Variants in EIF4H observed in about 807,000 individuals in gnomAD.
EIF4H encodes eukaryotic translation initiation factor 4H, also known as Williams-Beuren syndrome chromosome region 1.
In EIF4H, 8 loss-of-function variants were observed where a neutral mutation model predicts 30.6. The ratio of observed to expected loss-of-function variants is 0.26; its 90% CI spans 0.15 to 0.47. EIF4H has a LOEUF of 0.47. Among genes scored for constraint, EIF4H ranks in the 20% least tolerant of loss-of-function variants. The pLI, the probability that EIF4H is intolerant of heterozygous loss-of-function variation, is 0.99. For synonymous variants in EIF4H, 106 were observed against 122.7 expected, an observed-to-expected ratio of 0.86 and a Z score of 0.90; for missense variants, 188 against 339.5, an observed-to-expected ratio of 0.55 and a Z score of 3.51.
At chr7:74,192,948 G>C (rs1245117487) in intron 5 of EIF4H, among the ~76,000 whole-genome samples, 1 of 152,162 alleles carries the variant, frequency 6.6e-6, no homozygotes, top group Non-Finnish European at 1.5e-5. Flanking sequence ...AGAGTGCTGG[G>C]ATTACAGGCG....
intron 1 of EIF4H, among the ~76,000 whole-genome samples, chr7:74,180,136 G>T (rs1394498109): frequency 6.6e-6 from 1 of 152,150 alleles, no homozygotes; most frequent in Admixed American, 6.6e-5. Context: ...GATTGAGGCT[G>T]CAGTGAGCAG....
intron 1 of EIF4H, among the ~76,000 whole-genome samples, chr7:74,177,950 T>A (rs1351284633): frequency 6.6e-6 from 1 of 152,172 alleles, no homozygotes; most frequent in Non-Finnish European, 1.5e-5. Context: ...GAAACATGTA[T>A]TTATTTATGA....
At chr7:74,176,539 C>T (rs1054007726) in intron 1 of EIF4H, among the ~76,000 whole-genome samples, 24 of 152,238 alleles carry the variant, frequency 1.6e-4, no homozygotes, top group Non-Finnish European at 4.4e-5. Flanking sequence ...TCTCCCTTGT[C>T]TAAAATGCCT....
At chr7:74,178,741 T>A (rs1411212255) in intron 1 of EIF4H, among the ~76,000 whole-genome samples, 1 of 152,172 alleles carries the variant, frequency 6.6e-6, no homozygotes, top group Non-Finnish European at 1.5e-5. Flanking sequence ...TGATTAGACC[T>A]GCACACCCGG....
intron 1 of EIF4H, among the ~76,000 whole-genome samples, chr7:74,178,684 G>A (rs1189667630): frequency 2.6e-5 from 4 of 152,148 alleles, no homozygotes; most frequent in Non-Finnish European, 2.9e-5. Context: ...AGCTTCCCCT[G>A]GAAGGTTCAG....
chr7:74,187,364 G>A (rs1554709324), intron 1 of EIF4H, among the ~76,000 whole-genome samples: 2 of 152,218 alleles, frequency 1.3e-5, no homozygotes. Flanking sequence ...CCGGGAAGCA[G>A]AGGTTCCAGT....
chr7:74,192,681 C>CT (rs1801249798), intron 5 of EIF4H, among the ~76,000 whole-genome samples: 1 of 61,524 alleles, frequency 1.6e-5, no homozygotes, highest in South Asian at 5.8e-4. Context: ...TTTTTTTTTT[C>CT]TTTTTTTTTT....
At chr7:74,193,639 G>A (rs369549310) in intron 5 of EIF4H, among the ~76,000 whole-genome samples, 87 of 150,558 alleles carry the variant, frequency 5.8e-4, no homozygotes, top group African/African-American at 2.1e-3. Flanking sequence ...TTGAGACAGA[G>A]TCTCACTTCA....
intron 1 of EIF4H, among the ~76,000 whole-genome samples, chr7:74,177,892 G>A (rs1800876205): frequency 6.6e-6 from 1 of 152,218 alleles, no homozygotes; most frequent in Admixed American, 6.5e-5. Context: ...GTGATCTGAA[G>A]TAAGTTTCTT....
At position 74,187,653 on chromosome 7, in the gene EIF4H, G is replaced by A; in HGVS notation, c.102G>A (p.Lys34=). 1 of 1,610,974 alleles carries A rather than the reference G, an allele frequency of 6.2e-7. No homozygotes were observed. The highest frequency in any genetic ancestry group is 1.1e-5 in the South Asian group (1 of 90,734). ...SAGGHGSRSQ[K]ELPTEPPYTA... is the part of the protein sequence containing the mutation. ...GTGGCCATGGTTCCCGTAGCCAGAA[G>A]GAGTTGCCCACAGAGCCCCCCTACA... is the stretch of plus-strand genomic sequence containing the variant. Residue 34 remains lysine, a synonymous_variant, in exon 2 of 7, where the codon AAG becomes AAA. Coordinates refer to ENST00000265753, the MANE Select transcript of EIF4H (RefSeq NM_022170.2).
At chr7:74,193,711 C>T (rs1801278252) in intron 5 of EIF4H, among the ~76,000 whole-genome samples, 1 of 151,710 alleles carries the variant, frequency 6.6e-6, no homozygotes, top group Admixed American at 6.6e-5. Flanking sequence ...CTTCCAGGTT[C>T]GAGCGATTAT....
chr7:74,177,374 C>T (rs1252496784), intron 1 of EIF4H, among the ~76,000 whole-genome samples: 10 of 152,088 alleles, frequency 6.6e-5, no homozygotes, highest in Admixed American at 5.9e-4. Flanking sequence ...GCCACTTTAC[C>T]CATTTTTCAG....
chr7:74,190,394 A>G, intron 5 of EIF4H, 88 bp downstream of exon 5: 3 of 1,324,422 alleles, frequency 2.3e-6, no homozygotes, highest in Non-Finnish European at 3.3e-6. Flanking sequence ...GCCTGGCCGG[A>G]CTACTTATTT....
intron 1 of EIF4H, 32 bp downstream of exon 1, chr7:74,174,474 G>A (rs782413359): frequency 1.6e-5 from 22 of 1,385,558 alleles, no homozygotes; most frequent in African/African-American, 3.0e-5. Context: ...CCCGTCGGGG[G>A]CTGCGGGACC....
At chr7:74,190,158 G>T in intron 4 of EIF4H, 89 bp from the exon 5 acceptor site, 1 of 1,349,288 alleles carries the variant, frequency 7.4e-7, no homozygotes, top group South Asian at 1.2e-5. Flanking sequence ...TCCATCACTT[G>T]AGTTGTATGT....
rs781831841 is a variant in EIF4H at position 74,190,228 on chromosome 7, C to G, written c.410-19C>G. ...GGTAATGACACGACCTCAACTTTATCTTTTTTGTGTATCCTCAGGAATGGG... is the reference window on the plus strand; with the variant it reads ...GGTAATGACACGACCTCAACTTTATGTTTTTTGTGTATCCTCAGGAATGGG... On this transcript the variant is annotated intron_variant, in intron 4 of 6. Transcript: ENST00000265753. 5 of 1,612,682 alleles carry G rather than the reference C, an allele frequency of 3.1e-6. No homozygotes were observed. In the Admixed American group the frequency reaches 6.7e-5, roughly 22 times the overall value.
intron 1 of EIF4H, among the ~76,000 whole-genome samples, chr7:74,177,180 C>T (rs1429915488): frequency 6.6e-6 from 1 of 152,086 alleles, no homozygotes; most frequent in East Asian, 1.9e-4. Flanking sequence ...AACTCTTGGA[C>T]TCAAGTGATC....
chr7:74,176,980 CT>C (rs1225840823), intron 1 of EIF4H, among the ~76,000 whole-genome samples: 4 of 152,164 alleles, frequency 2.6e-5, no homozygotes, highest in Non-Finnish European at 4.4e-5. Flanking sequence ...GCTATGAGTG[CT>C]TAGTGGAAAA....
chr7:74,191,331 G>A (rs538437532), intron 5 of EIF4H: 12 of 519,720 alleles, frequency 2.3e-5, no homozygotes, highest in Admixed American at 4.0e-5. Flanking sequence ...CTCAGGGAAC[G>A]GCCTTTCCCC....
Sources: allele counts gnomAD v4.1 joint callset (sites outside exome capture counted in the v4.1 genomes callset), GRCh38; gene constraint gnomAD v4.1.1; transcripts MANE v1.5; gene names NCBI Gene and HGNC (gene_info 2026-07-23, HGNC 2026-07-21).